PLCE1: variants seen among roughly 807,000 people sequenced by gnomAD.
PLCE1 encodes phospholipase C epsilon 1.
A neutral mutation model predicts 242.8 loss-of-function variants in PLCE1; 119 were observed. The ratio of observed to expected loss-of-function variants is 0.49; its 90% CI spans 0.42 to 0.57. The LOEUF is 0.57. Ranked by LOEUF, PLCE1 falls within the 20% of genes least tolerant of loss-of-function variation. The pLI is 0.00. For synonymous variants in PLCE1, 945 were observed against 1,017.4 expected (o/e 0.93, Z 1.35); for missense variants, 2,441 against 2,788.8 (o/e 0.88, Z 2.81).
intron 4 of PLCE1, among the ~76,000 whole-genome samples, chr10:94,185,193 T>A (rs2048435706): frequency 6.6e-6 from 1 of 152,196 alleles, no homozygotes; most frequent in South Asian, 2.1e-4. Context: ...GGAAAGAGTA[T>A]AATTCCATCA....
chr10:94,207,826 C>G (rs1476568136), intron 4 of PLCE1, among the ~76,000 whole-genome samples: 5 of 151,920 alleles, frequency 3.3e-5, no homozygotes, highest in Admixed American at 6.5e-5. Context: ...ACTTTGGGAT[C>G]ATTTGAGCTT....
chr10:94,113,332 A>AT (rs1352128918), intron 2 of PLCE1, among the ~76,000 whole-genome samples: 3 of 152,066 alleles, frequency 2.0e-5, no homozygotes, highest in African/African-American at 7.2e-5. Context: ...GAATAAGTAA[A>AT]TTAGGAACAG....
intron 3 of PLCE1, among the ~76,000 whole-genome samples, chr10:94,163,817 G>T (rs986564205): frequency 1.5e-4 from 23 of 152,142 alleles, no homozygotes; most frequent in African/African-American, 5.6e-4. Flanking sequence ...TACATGTTTA[G>T]TGCTTCCTTC....
At chr10:94,209,315 T>G (rs1390476652) in intron 4 of PLCE1, among the ~76,000 whole-genome samples, 1 of 152,236 alleles carries the variant, frequency 6.6e-6, no homozygotes, top group Non-Finnish European at 1.5e-5. Flanking sequence ...GCCTGCCAAT[T>G]TTGTTTCAGA....
chr10:94,004,851 G>A (rs956344396), intron 1 of PLCE1, among the ~76,000 whole-genome samples: 5 of 152,152 alleles, frequency 3.3e-5, no homozygotes, highest in African/African-American at 9.7e-5. Context: ...CATGCAGGTG[G>A]GGACCTGACA....
chr10:94,002,781 T>C (rs1442176469), intron 1 of PLCE1, among the ~76,000 whole-genome samples: 1 of 152,204 alleles, frequency 6.6e-6, no homozygotes, highest in African/African-American at 2.4e-5. Flanking sequence ...TGGGGAGCAG[T>C]AGAATGGAAC....
At chr10:93,997,584 C>T (rs2060849380) in intron 1 of PLCE1, among the ~76,000 whole-genome samples, 1 of 149,742 alleles carries the variant, frequency 6.7e-6, no homozygotes, top group South Asian at 2.1e-4. Context: ...GATCACTGTG[C>T]TATCCTACAT....
intron 19 of PLCE1, among the ~76,000 whole-genome samples, chr10:94,278,349 A>G (rs1213838645): frequency 1.3e-5 from 2 of 152,202 alleles, no homozygotes; most frequent in Non-Finnish European, 2.9e-5. Context: ...CTCTGATCAT[A>G]AATGTAGGGA....
chr10:94,141,821 G>A (rs1488337059), intron 3 of PLCE1, among the ~76,000 whole-genome samples: 1 of 152,080 alleles, frequency 6.6e-6, no homozygotes, highest in African/African-American at 2.4e-5. Flanking sequence ...CAGACACTTT[G>A]GGTTTACATA....
intron 5 of PLCE1, among the ~76,000 whole-genome samples, chr10:94,230,051 T>A (rs1284022281): frequency 1.3e-5 from 2 of 151,364 alleles, no homozygotes; most frequent in Non-Finnish European, 3.0e-5. Context: ...ATTTTTTTTA[T>A]TTTTTAAGCA....
chr10:94,121,906 A>G (rs766928235), intron 2 of PLCE1, among the ~76,000 whole-genome samples: 3 of 152,204 alleles, frequency 2.0e-5, no homozygotes, highest in Non-Finnish European at 4.4e-5. Flanking sequence ...CCTGGGAGCC[A>G]TGAAGATAGA....
chr10:94,255,745 G>A (rs956798725), intron 11 of PLCE1, among the ~76,000 whole-genome samples: 1 of 152,012 alleles, frequency 6.6e-6, no homozygotes, highest in Non-Finnish European at 1.5e-5. Context: ...TCAGAAGAAG[G>A]AATGATATTA....
intron 22 of PLCE1, among the ~76,000 whole-genome samples, chr10:94,290,114 A>T (rs2052593970): frequency 6.6e-6 from 1 of 151,348 alleles, no homozygotes; most frequent in Non-Finnish European, 1.5e-5. Flanking sequence ...GTAACCTTGA[A>T]CTCCCAGGCT....
At chr10:94,042,146 A>C (rs2061781203) in intron 2 of PLCE1, among the ~76,000 whole-genome samples, 1 of 152,068 alleles carries the variant, frequency 6.6e-6, no homozygotes, top group African/African-American at 2.4e-5. Flanking sequence ...CCTGAGTTTC[A>C]GGTTGAGTAT....
intron 4 of PLCE1, among the ~76,000 whole-genome samples, chr10:94,196,670 C>A (rs1451395777): frequency 1.3e-5 from 2 of 152,074 alleles, no homozygotes; most frequent in South Asian, 2.1e-4. Context: ...AGAGAGAGGA[C>A]CCCACTCAGG....
chr10:94,029,693 C>T (rs1465745522), intron 1 of PLCE1, among the ~76,000 whole-genome samples: 2 of 152,026 alleles, frequency 1.3e-5, no homozygotes, highest in African/African-American at 4.8e-5. Context: ...TGAGGGAACA[C>T]ATATAGAAGG....
chr10:94,190,734 T>A (rs2048634016), intron 4 of PLCE1, among the ~76,000 whole-genome samples: 1 of 152,250 alleles, frequency 6.6e-6, no homozygotes, highest in South Asian at 2.1e-4. Flanking sequence ...CGTCATCATC[T>A]TGTGAAGAAA....
intron 4 of PLCE1, among the ~76,000 whole-genome samples, chr10:94,212,944 C>T (rs1425536413): frequency 6.6e-6 from 1 of 152,172 alleles, no homozygotes. Flanking sequence ...CAGAGGGTTG[C>T]CGCATATGAA....
chr10:94,316,820 C>T (rs2053592890), intron 29 of PLCE1, 64 bp downstream of exon 29: 1 of 1,175,836 alleles, frequency 8.5e-7, no homozygotes, highest in Non-Finnish European at 1.3e-6. Flanking sequence ...ATTTACCACT[C>T]ACAACCTCCC....
Sources: gnomAD v4.1 joint callset for allele counts (sites outside exome capture counted in the v4.1 genomes callset) on GRCh38, gnomAD v4.1.1 for gene constraint, MANE v1.5 for transcripts, NCBI Gene and HGNC (gene_info 2026-07-23, HGNC 2026-07-21) for gene names.